The following DNAJC13 variants were observed in gnomAD, a reference collection of about 807,000 sequenced individuals.
DNAJC13 encodes the protein dnaJ homolog subfamily C member 13.
Under a neutral mutation model 290.5 loss-of-function variants are expected in DNAJC13, and 75 were observed. That is an observed-to-expected ratio of 0.26 (90% CI 0.21 to 0.31). The LOEUF (loss-of-function observed/expected upper bound fraction) is 0.31, where lower values mean the gene tolerates loss of function less well. DNAJC13 is among the 10% of genes least tolerant of loss of function. The pLI is 1.00. For synonymous variants in DNAJC13, 862 were observed against 892.0 expected (o/e 0.97, Z 0.60); for missense variants, 2,260 against 2,674.5 (o/e 0.85, Z 3.42).
chr3:132,444,971 G>C (rs1482046097), intron 2 of DNAJC13, among the ~76,000 whole-genome samples: 1 of 152,022 alleles, frequency 6.6e-6, no homozygotes, highest in Non-Finnish European at 1.5e-5. Flanking sequence ...ATGTGGTAAA[G>C]ATTAATAAAA....
Position 132,531,027 on chromosome 3 carries a change from C to T in DNAJC13, c.6555C>T (p.Val2185=), listed in dbSNP as rs758085645. ...ATGAAATCCTGTGCCGTTCTTCAGT[C>T]TGGAGTGCCTTCAAAGATCAGAAAC... ...QVNEILCRSS[V]WSAFKDQKHD... The change falls in exon 55 of 56, where the codon GTC becomes GTT. Residue 2185 remains valine (V), a synonymous_variant. Transcript: ENST00000260818. 29 of 1,614,122 alleles carry T rather than the reference C, an allele frequency of 1.8e-5. No individual in the cohort carries two copies. The highest frequency in any genetic ancestry group is 2.5e-5 in the Non-Finnish European group (29 of 1,179,976).
intron 55 of DNAJC13, among the ~76,000 whole-genome samples, chr3:132,534,452 TC>T (rs1936528568): frequency 6.6e-6 from 1 of 151,978 alleles, no homozygotes; most frequent in Admixed American, 6.6e-5. Context: ...GTCCAGGAGT[TC>T]CAGACCAGCG....
intron 51 of DNAJC13, 71 bp downstream of exon 51, chr3:132,523,784 C>G (rs1325022049): frequency 6.9e-7 from 1 of 1,450,180 alleles, no homozygotes; most frequent in African/African-American, 1.4e-5. Flanking sequence ...CTCTTACAAC[C>G]TTATTCACAA....
chr3:132,528,323 T>C lies in DNAJC13; in HGVS notation c.6516T>C (p.Tyr2172=), dbSNP rs1357320961. 3.7e-6 allele frequency: 6 copies of C among 1,614,198 alleles called. No homozygotes were observed. Among genetic ancestry groups the C allele is most frequent in the Non-Finnish European group, 5.1e-6 (6 of 1,180,000 alleles). Residue 2172 remains tyrosine (Y), a synonymous_variant, in exon 54 of 56, where the codon TAT becomes TAC. Coordinates refer to ENST00000260818, the MANE Select transcript of DNAJC13 (RefSeq NM_015268.4). ...ALKAMTRSLQ[Y]GEQVNEILCR... The stretch of plus-strand genomic sequence containing the variant: ...AGGCAATGACTCGAAGTTTGCAGTA[T>C]GGAGAACAGGTGAGTCTGCATAGAG...
intron 55 of DNAJC13, among the ~76,000 whole-genome samples, chr3:132,532,472 G>A (rs1311914084): frequency 6.6e-6 from 1 of 152,084 alleles, no homozygotes; most frequent in Non-Finnish European, 1.5e-5. Context: ...CAGTGTCATA[G>A]GTTTTTATTT....
chr3:132,485,484 G>T (rs1210408142), intron 29 of DNAJC13, among the ~76,000 whole-genome samples: 1 of 152,214 alleles, frequency 6.6e-6, no homozygotes, highest in Admixed American at 6.5e-5. Context: ...GGAAGATTGA[G>T]CCTAAACATG....
At position 132,538,204 on chromosome 3, in the gene DNAJC13, A is replaced by G. The variant is rs758602847; in HGVS notation, c.6654A>G (p.Ala2218=). The G allele has an allele frequency of 2.5e-6, 4 of 1,613,778 alleles. No homozygotes were observed. The highest frequency in any genetic ancestry group is 1.7e-5 in the Admixed American group (1 of 59,986). Residue 2218 remains alanine (A), a synonymous_variant, in exon 56 of 56, where the codon GCA becomes GCG. Coordinates refer to ENST00000260818, the MANE Select transcript of DNAJC13 (RefSeq NM_015268.4). ...CTGGAGTTGCTGGCTACCTTACCGC[A>G]GGTACATCTACATCAGTCATGTCTA... ...TGPGVAGYLT[A]GTSTSVMSNL...
chr3:132,482,051 G>A (rs1456569363), intron 26 of DNAJC13, among the ~76,000 whole-genome samples, 175 bp from the exon 27 acceptor site: 3 of 152,056 alleles, frequency 2.0e-5, no homozygotes, highest in Non-Finnish European at 4.4e-5. Flanking sequence ...TGGACTGTTA[G>A]GTTAGGCATT....
intron 27 of DNAJC13, 56 bp downstream of exon 27, chr3:132,482,386 G>C: frequency 7.3e-7 from 1 of 1,375,352 alleles, no homozygotes; most frequent in Non-Finnish European, 1.0e-6. Context: ...ATGCCCTCCT[G>C]CTTAGCACTT....
intron 32 of DNAJC13, among the ~76,000 whole-genome samples, chr3:132,491,487 A>C (rs902753261): frequency 6.6e-6 from 1 of 152,114 alleles, no homozygotes; most frequent in African/African-American, 2.4e-5. Context: ...ACCCGAAATT[A>C]TTCTAGAATG....
At chr3:132,431,885 A>G (rs1939248048) in intron 1 of DNAJC13, among the ~76,000 whole-genome samples, 1 of 152,284 alleles carries the variant, frequency 6.6e-6, no homozygotes, top group East Asian at 1.9e-4. Context: ...ATGGGGGGTG[A>G]CCGCTAACAG....
chr3:132,436,709 A>G (rs2107651881), intron 2 of DNAJC13, among the ~76,000 whole-genome samples: 1 of 152,192 alleles, frequency 6.6e-6, no homozygotes, highest in East Asian at 1.9e-4. Context: ...TATTTTAGCC[A>G]TCCTAGTGTA....
intron 9 of DNAJC13, 52 bp downstream of exon 9, chr3:132,454,209 C>A (rs777346249): frequency 2.3e-6 from 3 of 1,308,856 alleles, no homozygotes; most frequent in Non-Finnish European, 2.1e-6. Context: ...AGGCAAAGTG[C>A]TTGGTCAACA....
At chr3:132,515,459 A>G (rs1198552593) in intron 46 of DNAJC13, among the ~76,000 whole-genome samples, 1 of 152,098 alleles carries the variant, frequency 6.6e-6, no homozygotes, top group Admixed American at 6.6e-5. Context: ...TTTTCAATAC[A>G]TGATATGCTT....
intron 55 of DNAJC13, among the ~76,000 whole-genome samples, chr3:132,533,057 C>CTTT (rs35854494): frequency 0.029 from 2,985 of 102,848 alleles, 342 homozygotes; most frequent in African/African-American, 0.11. Flanking sequence ...CCACACCTGG[C>CTTT]TTTTTTTTTT....
intron 19 of DNAJC13, 117 bp downstream of exon 19, chr3:132,466,511 TATA>T: frequency 1.5e-6 from 1 of 685,502 alleles, no homozygotes; most frequent in Non-Finnish European, 2.2e-6. Context: ...CATTGAATAG[TATA>T]CTTAACTATT....
rs756219690 is a variant in DNAJC13, at chr3:132,434,629, T to A, written c.68+11T>A. ...TTCATGGAGGGGGAAGTAAGTATTC[T>A]TGTTGGGTTTTTTTTTCTGTGCTTC... On this transcript the variant is annotated intron_variant, in intron 2 of 55. Transcript: ENST00000260818. 6.3e-7 allele frequency: 1 copy of A among 1,589,734 alleles called. No individual in the cohort carries two copies. The highest frequency in any genetic ancestry group is 1.9e-5 in the Admixed American group (1 of 53,450).
At chr3:132,536,923 G>A (rs1936608514) in intron 55 of DNAJC13, among the ~76,000 whole-genome samples, 1 of 152,056 alleles carries the variant, frequency 6.6e-6, no homozygotes, top group South Asian at 2.1e-4. Context: ...AAGTACCTGG[G>A]CACTCTGGTT....
At position 132,528,270 on chromosome 3, in the gene DNAJC13, A is replaced by G; in HGVS notation, c.6463A>G (p.Thr2155Ala). 6.2e-7 allele frequency: 1 copy of G among 1,614,202 alleles called. No homozygotes were observed. The highest frequency in any genetic ancestry group is 8.5e-7 in the Non-Finnish European group (1 of 1,180,020). The change falls in exon 54 of 56, where the codon ACT (threonine) becomes GCT (alanine). Residue 2155 changes from threonine (T) to alanine (A), a missense_variant. Physicochemically the swap from Thr to Ala is moderately conservative, Grantham distance 58. Coordinates refer to ENST00000260818, the MANE Select transcript of DNAJC13 (RefSeq NM_015268.4). ...GLENLDSPAA[T>A]KAQIVKALKA... ...TGAAAACCTGGACAGCCCAGCAGCC[A>G]CTAAGGCTCAGATTGTTAAAGCTCT...
Sources: gnomAD v4.1 joint callset for allele counts (sites outside exome capture counted in the v4.1 genomes callset) on GRCh38, gnomAD v4.1.1 for gene constraint, MANE v1.5 for transcripts, NCBI Gene and HGNC (gene_info 2026-07-23, HGNC 2026-07-21) for gene names.